Variants in PTK2 observed in about 807,000 individuals in gnomAD.
PTK2 encodes focal adhesion kinase 1.
Under a neutral mutation model 150.1 loss-of-function variants are expected in PTK2, and 45 were observed. That is an observed-to-expected ratio of 0.30 (90% CI 0.24 to 0.38). The LOEUF (loss-of-function observed/expected upper bound fraction) is 0.38. PTK2 is among the 10% of genes least tolerant of loss of function. The pLI is 1.00. For missense variants in PTK2, 919 were observed against 1,307.3 expected (o/e 0.70, Z 4.58); for synonymous variants, 432 against 449.2 (o/e 0.96, Z 0.48).
chr8:140,864,426 A>C, intron 4 of PTK2, 27 bp from the exon 5 acceptor site: 1 of 1,335,770 alleles, frequency 7.5e-7, no homozygotes, highest in Non-Finnish European at 1.1e-6. Context: ...AAACAGAACA[A>C]TTAGAAATCA....
intron 2 of PTK2, among the ~76,000 whole-genome samples, chr8:140,901,462 A>G (rs1002992113): frequency 3.9e-5 from 6 of 152,156 alleles, no homozygotes; most frequent in African/African-American, 1.2e-4. Flanking sequence ...AGAGCAAAAG[A>G]CACAATTAAC....
intron 7 of PTK2, among the ~76,000 whole-genome samples, chr8:140,838,466 G>A (rs1171958668): frequency 6.6e-6 from 1 of 152,128 alleles, no homozygotes; most frequent in Non-Finnish European, 1.5e-5. Context: ...CTTTACAATG[G>A]CCAAATGCAA....
intron 3 of PTK2, among the ~76,000 whole-genome samples, chr8:140,885,619 G>A (rs1192269126): frequency 2.0e-5 from 3 of 152,172 alleles, no homozygotes; most frequent in East Asian, 1.9e-4. Context: ...GTAAGGGCAG[G>A]GTGAGAACAA....
At position 140,770,718 on chromosome 8, in the gene PTK2, G is replaced by A. The variant is rs565897623; in HGVS notation, c.1178-6428C>T. 2.5e-5 allele frequency: 33 copies of A among 1,333,000 alleles called. No individual in the cohort carries two copies. The Middle Eastern group carries it at 2.7e-3, about 108-fold the overall frequency. 82.6% of individuals were successfully genotyped at this position (1,333,000 alleles called of 1,614,324 possible). A position where few individuals can be genotyped will look rare whatever the true frequency, so the allele number is the denominator to read the frequency against. ...CTGTGCAAATATGAGTGCAGTACCC[G>A]TAGAAGGAGGATCATGGGAACAGAA... On this transcript the variant is annotated intron_variant, in intron 14 of 31. Coordinates refer to ENST00000522684, the Ensembl canonical transcript of PTK2.
At chr8:140,667,287 G>C (rs531169683) in intron 30 of PTK2, among the ~76,000 whole-genome samples, 1 of 152,040 alleles carries the variant, frequency 6.6e-6, no homozygotes, top group African/African-American at 2.4e-5. Context: ...TTTTACTATA[G>C]TGAAAAAAAA....
intron 3 of PTK2, 39 bp from the exon 4 acceptor site, chr8:140,879,676 G>GAAAACAAAAAAAAAAAAAAAAACAAAA (rs2100147778): frequency 3.2e-5 from 1 of 31,602 alleles, no homozygotes; most frequent in Non-Finnish European, 4.8e-5. Context: ...GTTATAAACT[G>GAAAACAAAAAAAAAAAAAAAAACAAAA]AAAAAAAAAA....
intron 1 of PTK2, among the ~76,000 whole-genome samples, chr8:140,991,489 G>A (rs1255523947): frequency 6.6e-6 from 1 of 152,076 alleles, no homozygotes; most frequent in Non-Finnish European, 1.5e-5. Flanking sequence ...CCTAACAAAA[G>A]CAGTTTTGAG....
intron 1 of PTK2, among the ~76,000 whole-genome samples, chr8:140,926,544 C>T (rs1216103126): frequency 6.6e-6 from 1 of 152,198 alleles, no homozygotes; most frequent in Non-Finnish European, 1.5e-5. Flanking sequence ...ATGCAACACC[C>T]TAATTCACCA....
chr8:140,697,194 T>C (rs1317749755), intron 26 of PTK2, among the ~76,000 whole-genome samples: 2 of 146,852 alleles, frequency 1.4e-5, no homozygotes, highest in African/African-American at 5.1e-5. Context: ...AGTGCCTCGA[T>C]GCCATCATGG....
intron 29 of PTK2, chr8:140,674,067 C>T (rs1366594397): frequency 1.5e-6 from 1 of 673,654 alleles, no homozygotes. Context: ...TTCCTAAAAT[C>T]TATTACACTG....
intron 9 of PTK2, 94 bp downstream of exon 9, chr8:140,818,786 T>C: frequency 7.4e-7 from 1 of 1,346,770 alleles, no homozygotes; most frequent in South Asian, 1.4e-5. Context: ...ATGGGACAAG[T>C]TAGCATTTTT....
chr8:140,890,441 C>T lies in PTK2; in HGVS notation c.195+102G>A, dbSNP rs143444531. Reference sequence around the variant, plus strand: ...GCATTTCTGTAATATGAAAAGTCCCCGATAAGTTAAATAAAAATTATTACA... The same window carrying T: ...GCATTTCTGTAATATGAAAAGTCCCTGATAAGTTAAATAAAAATTATTACA... On this transcript the variant is annotated intron_variant, in intron 3 of 31. Coordinates refer to ENST00000522684, the Ensembl canonical transcript of PTK2. The T allele has an allele frequency of 1.2e-3, 1,134 of 975,160 alleles. 7 individuals carry two copies. In the African/African-American group the frequency reaches 0.016, roughly 14 times the overall value. 60.4% of individuals were successfully genotyped at this position (975,160 alleles called of 1,614,324 possible). A position where few individuals can be genotyped will look rare whatever the true frequency, so the allele number is the denominator to read the frequency against.
intron 1 of PTK2, among the ~76,000 whole-genome samples, chr8:140,983,406 T>TA (rs1021753727): frequency 1.4e-5 from 2 of 147,896 alleles, no homozygotes; most frequent in South Asian, 2.2e-4. Flanking sequence ...AAAAAAATCT[T>TA]TGTTAAGGCT....
chr8:140,929,841 T>C (rs756071105), intron 1 of PTK2, among the ~76,000 whole-genome samples: 1 of 152,268 alleles, frequency 6.6e-6, no homozygotes, highest in Non-Finnish European at 1.5e-5. Context: ...TCAGTTATGA[T>C]AATTAAACAT....
chr8:140,887,837 T>C (rs2100152880), intron 3 of PTK2, among the ~76,000 whole-genome samples: 1 of 152,218 alleles, frequency 6.6e-6, no homozygotes, highest in Non-Finnish European at 1.5e-5. Context: ...CTCTTTGAAA[T>C]GTGGTATATA....
chr8:140,824,358 T>C (rs1184603550), intron 8 of PTK2, among the ~76,000 whole-genome samples: 1 of 152,178 alleles, frequency 6.6e-6, no homozygotes, highest in Non-Finnish European at 1.5e-5. Flanking sequence ...ATTAACAAGC[T>C]GAGACCCAAG....
chr8:140,702,673 G>A lies in PTK2; in HGVS notation c.2264C>T (p.Ala755Val), dbSNP rs1403693308. Reference sequence around the variant, plus strand: ...ACCTGGATAGATGCTGCCAGCCATGGCTGTGATTCCATGTGAACCAGGGTA... The same window carrying A: ...ACCTGGATAGATGCTGCCAGCCATGACTGTGATTCCATGTGAACCAGGGTA... Residue 755 changes from alanine to valine, a missense_variant, in exon 25 of 32, where the codon GCC becomes GTC. Transcript: ENST00000522684. 3.1e-6 allele frequency: 5 copies of A among 1,614,056 alleles called. No homozygotes were observed. The highest frequency in any genetic ancestry group is 1.7e-5 in the Admixed American group (1 of 60,016).
intron 14 of PTK2, among the ~76,000 whole-genome samples, chr8:140,773,820 G>A (rs189588203): frequency 6.6e-6 from 1 of 152,236 alleles, no homozygotes; most frequent in Non-Finnish European, 1.5e-5. Flanking sequence ...ACAAATTCTA[G>A]GAATGTGAAG....
At chr8:140,866,188 C>G (rs72683786) in intron 4 of PTK2, among the ~76,000 whole-genome samples, 10,437 of 152,228 alleles carry the variant, frequency 0.069, 486 homozygotes, top group Non-Finnish European at 0.092. Context: ...AAAAAGTTAT[C>G]AGTTCCAGTC....
Sources: allele counts gnomAD v4.1 joint callset (sites outside exome capture counted in the v4.1 genomes callset), GRCh38; gene constraint gnomAD v4.1.1; transcripts MANE v1.5; gene names NCBI Gene and HGNC (gene_info 2026-07-23, HGNC 2026-07-21).